RIMS2: variants seen among roughly 807,000 people sequenced by gnomAD.
The protein encoded by RIMS2 is regulating synaptic membrane exocytosis 2, also known as regulating synaptic membrane exocytosis protein 2.
In RIMS2, 59 loss-of-function variants were observed where a neutral mutation model predicts 174.4. That is an observed-to-expected ratio of 0.34 (90% CI 0.27 to 0.42). The LOEUF is 0.42. Among genes scored for constraint, RIMS2 ranks in the 10% least tolerant of loss-of-function variants. The pLI is 1.00. For synonymous variants in RIMS2, 606 were observed against 572.5 expected (o/e 1.06, Z -0.84); for missense variants, 1,620 against 1,666.3 (o/e 0.97, Z 0.48).
At chr8:103,961,203 A>AAACAATAGC in intron 15 of RIMS2, 70 bp downstream of exon 17, 1 of 794,702 alleles carries the variant, frequency 1.3e-6, no homozygotes, top group Non-Finnish European at 2.2e-6. Flanking sequence ...CCATAAAAGT[A>AAACAATAGC]AATAAATAAA....
intron 1 of RIMS2, among the ~76,000 whole-genome samples, chr8:103,696,215 C>G (rs2097098900): frequency 6.6e-6 from 1 of 152,096 alleles, no homozygotes; most frequent in Admixed American, 6.6e-5. Flanking sequence ...TGCCTCAGCA[C>G]TTTCAAATCT....
chr8:104,111,592 G>C (rs1425132383), intron 19 of RIMS2, among the ~76,000 whole-genome samples: 1 of 152,106 alleles, frequency 6.6e-6, no homozygotes, highest in Non-Finnish European at 1.5e-5. Context: ...ATTTTTAATA[G>C]AGATGGGGTT....
chr8:103,925,892 A>C (rs141039840), intron 10 of RIMS2, among the ~76,000 whole-genome samples: 2,576 of 151,668 alleles, frequency 0.017, 30 homozygotes, highest in Non-Finnish European at 0.025. Flanking sequence ...TAAAATAGTC[A>C]GTTGTATGTT....
chr8:104,117,803 G>A (rs1033016160), intron 19 of RIMS2, among the ~76,000 whole-genome samples: 5 of 152,114 alleles, frequency 3.3e-5, no homozygotes, highest in African/African-American at 1.2e-4. Context: ...ATTTCTTCTA[G>A]TACTTAGTTC....
chr8:103,615,267 C>T (rs765436704), intron 1 of RIMS2, among the ~76,000 whole-genome samples: 2 of 152,126 alleles, frequency 1.3e-5, no homozygotes, highest in Non-Finnish European at 2.9e-5. Flanking sequence ...ACAACATGCT[C>T]CTTCATGACT....
chr8:103,986,669 A>C (rs2094382236), intron 16 of RIMS2, among the ~76,000 whole-genome samples: 1 of 152,024 alleles, frequency 6.6e-6, no homozygotes, highest in Non-Finnish European at 1.5e-5. Flanking sequence ...ACTAGTGTTC[A>C]TGACCAGCCT....
chr8:103,801,446 A>T (rs1315356442), intron 3 of RIMS2, among the ~76,000 whole-genome samples: 1 of 152,228 alleles, frequency 6.6e-6, no homozygotes, highest in Non-Finnish European at 1.5e-5. Flanking sequence ...ATCATTTAAA[A>T]GTATTCTTTC....
chr8:103,692,229 A>G (rs2097036817), intron 1 of RIMS2, among the ~76,000 whole-genome samples: 1 of 152,180 alleles, frequency 6.6e-6, no homozygotes, highest in South Asian at 2.1e-4. Flanking sequence ...TGTTCACTCA[A>G]GGTTCAAGGG....
chr8:104,119,193 A>AC (rs999240362), intron 19 of RIMS2, among the ~76,000 whole-genome samples: 92 of 151,620 alleles, frequency 6.1e-4, no homozygotes, highest in Non-Finnish European at 9.3e-4. Flanking sequence ...TAAAAACAAA[A>AC]AAAAAAAAAA....
At chr8:103,916,644 T>C in intron 8 of RIMS2, 107 bp downstream of exon 11, 1 of 891,734 alleles carries the variant, frequency 1.1e-6, no homozygotes, top group Non-Finnish European at 1.6e-6. Context: ...TGAATTATTT[T>C]GTAGACAATA....
intron 19 of RIMS2, among the ~76,000 whole-genome samples, chr8:104,148,075 G>A (rs1275640819): frequency 1.3e-5 from 2 of 151,618 alleles, no homozygotes; most frequent in Admixed American, 1.3e-4. Context: ...AATGAAAATA[G>A]CAAGCCTTTT....
intron 3 of RIMS2, among the ~76,000 whole-genome samples, chr8:103,817,399 T>C (rs2098724575): frequency 6.6e-6 from 1 of 152,148 alleles, no homozygotes; most frequent in Admixed American, 6.5e-5. Flanking sequence ...GGAAGGAACA[T>C]AGAAAATGGA....
At chr8:104,064,078 A>C (rs1372852400) in intron 19 of RIMS2, among the ~76,000 whole-genome samples, 9 of 152,228 alleles carry the variant, frequency 5.9e-5, no homozygotes, top group Admixed American at 1.3e-4. Flanking sequence ...GGTTAAAAAA[A>C]TTCATCTAGA....
chr8:104,054,129 G>A (rs1341759703), intron 19 of RIMS2, among the ~76,000 whole-genome samples: 1 of 152,116 alleles, frequency 6.6e-6, no homozygotes, highest in African/African-American at 2.4e-5. Context: ...AGTCTGTCCT[G>A]ATGTCTCTCC....
At chr8:103,717,946 A>T (rs1211922059) in intron 2 of RIMS2, among the ~76,000 whole-genome samples, 3 of 152,228 alleles carry the variant, frequency 2.0e-5, no homozygotes, top group African/African-American at 7.2e-5. Flanking sequence ...AATTTTAATT[A>T]ATTTTAATTT....
At chr8:103,637,095 T>C (rs1323478428) in intron 1 of RIMS2, among the ~76,000 whole-genome samples, 1 of 152,126 alleles carries the variant, frequency 6.6e-6, no homozygotes, top group Admixed American at 6.5e-5. Flanking sequence ...TTTCTTGGCT[T>C]TTGTCACAGG....
At chr8:103,838,311 C>T (rs887930586) in intron 3 of RIMS2, among the ~76,000 whole-genome samples, 4 of 152,142 alleles carry the variant, frequency 2.6e-5, no homozygotes, top group African/African-American at 9.7e-5. Flanking sequence ...GAATCCTTCT[C>T]ACTTCCTTTT....
intron 1 of RIMS2, among the ~76,000 whole-genome samples, chr8:103,610,941 T>A (rs761712565): frequency 6.6e-6 from 1 of 152,242 alleles, no homozygotes; most frequent in East Asian, 1.9e-4. Context: ...CAGGCGTGAA[T>A]CCTTCTGGGC....
At chr8:103,581,195 A>G (rs2093600810) in intron 1 of RIMS2, among the ~76,000 whole-genome samples, 2 of 152,172 alleles carry the variant, frequency 1.3e-5, no homozygotes, top group Admixed American at 1.3e-4. Flanking sequence ...ACACAACAAA[A>G]TAAGAAGACT....
Sources: allele counts gnomAD v4.1 joint callset (sites outside exome capture counted in the v4.1 genomes callset), GRCh38; gene constraint gnomAD v4.1.1; transcripts MANE v1.5; gene names NCBI Gene and HGNC (gene_info 2026-07-23, HGNC 2026-07-21).